The following CREM variants were observed in gnomAD, a reference collection of about 807,000 sequenced individuals.
CREM encodes the protein cAMP-responsive element modulator.
Under a neutral mutation model 37.3 loss-of-function variants are expected in CREM, and 13 were observed. That is an observed-to-expected ratio of 0.35 (90% CI 0.23 to 0.55). CREM has a LOEUF of 0.55. CREM is among the 20% of genes least tolerant of loss of function. CREM has a pLI of 0.88. For missense variants in CREM, 296 were observed against 362.3 expected (o/e 0.82, Z 1.49); for synonymous variants, 124 against 120.2 (o/e 1.03, Z -0.21).
intron 2 of CREM, among the ~76,000 whole-genome samples, chr10:35,147,608 A>G (rs2092271352): frequency 6.6e-6 from 1 of 152,208 alleles, no homozygotes; most frequent in African/African-American, 2.4e-5. Flanking sequence ...ATTATTATAC[A>G]TTTAATTTAG....
chr10:35,136,313 G>A (rs903506455), intron 1 of CREM, among the ~76,000 whole-genome samples: 12 of 152,100 alleles, frequency 7.9e-5, no homozygotes, highest in African/African-American at 2.7e-4. Context: ...ATCTGCCCCC[G>A]CCTTTAGATT....
chr10:35,196,815 C>A (rs2095192404), intron 6 of CREM, among the ~76,000 whole-genome samples: 1 of 150,952 alleles, frequency 6.6e-6, no homozygotes, highest in Non-Finnish European at 1.5e-5. Context: ...CTTGTCTAAG[C>A]ATAAGACTCA....
intron 6 of CREM, among the ~76,000 whole-genome samples, chr10:35,188,622 T>C (rs2094758068): frequency 6.6e-6 from 1 of 151,826 alleles, no homozygotes; most frequent in African/African-American, 2.4e-5. Context: ...AAATTCAGAG[T>C]AGCATGATAG....
At chr10:35,158,868 G>T (rs2093112886) in intron 3 of CREM, among the ~76,000 whole-genome samples, 5 of 109,080 alleles carry the variant, frequency 4.6e-5, no homozygotes, top group Admixed American at 1.0e-4. Context: ...AAGATTTCAT[G>T]TTTCTTAGAA....
At chr10:35,208,433 A>G (rs1227760117) in intron 7 of CREM, among the ~76,000 whole-genome samples, 4 of 152,226 alleles carry the variant, frequency 2.6e-5, no homozygotes, top group Admixed American at 2.6e-4. Flanking sequence ...TTATTGGTTT[A>G]GTTTTTATTA....
rs138569445 is a variant in CREM at position 35,193,634 on chromosome 10, G to T, written c.598+5246G>T. ...GCTGAATTGAAACCCTAACCCCATT[G>T]TCAGGTATCCTGGAGAATTACTAGA... is the stretch of plus-strand genomic sequence containing the variant. On this transcript the variant is annotated intron_variant, in intron 6 of 7. Coordinates refer to ENST00000685392, the MANE Select transcript of CREM (RefSeq NM_183011.2). Among the ~76,000 whole-genome samples the T allele has an allele frequency of 5.0e-3, 761 of 152,228 alleles. 49 individuals are homozygous for T. The South Asian group carries it at 0.13, about 27-fold the overall frequency.
At chr10:35,202,098 T>C (rs529995135) in intron 6 of CREM, among the ~76,000 whole-genome samples, 4 of 152,318 alleles carry the variant, frequency 2.6e-5, no homozygotes, top group South Asian at 2.1e-4. Flanking sequence ...TTATAATCTT[T>C]CTTCAATCAT....
At chr10:35,137,989 T>C (rs1420975584) in intron 2 of CREM, 110 bp downstream of exon 2, 1 of 676,662 alleles carries the variant, frequency 1.5e-6, no homozygotes, top group Non-Finnish European at 2.2e-6. Context: ...TGTATATATA[T>C]TCTATTATAA....
At chr10:35,158,821 G>T (rs12767299) in intron 3 of CREM, among the ~76,000 whole-genome samples, 4,982 of 61,966 alleles carry the variant, frequency 0.08, 336 homozygotes, top group African/African-American at 0.2. Context: ...TGTTTTGTTT[G>T]TTTTTTTTTT....
At chr10:35,142,445 G>A (rs2091557936) in intron 2 of CREM, among the ~76,000 whole-genome samples, 1 of 152,182 alleles carries the variant, frequency 6.6e-6, no homozygotes, top group Non-Finnish European at 1.5e-5. Context: ...ATTAGAGACA[G>A]GAGGCAAGGG....
At chr10:35,154,081 C>T in intron 3 of CREM, 1 of 398,440 alleles carries the variant, frequency 2.5e-6, no homozygotes, top group Non-Finnish European at 4.4e-6. Flanking sequence ...GTAAGGAGTC[C>T]CTCGGAATAA....
intron 6 of CREM, among the ~76,000 whole-genome samples, chr10:35,199,090 A>C (rs1005941565): frequency 3.9e-5 from 6 of 152,240 alleles, no homozygotes; most frequent in Admixed American, 2.6e-4. Flanking sequence ...TGGAGGTTGC[A>C]GTGAGCTGAG....
intron 5 of CREM, 56 bp from the exon 6 acceptor site, chr10:35,188,144 G>A: frequency 6.7e-7 from 1 of 1,494,278 alleles, no homozygotes; most frequent in Non-Finnish European, 9.1e-7. Context: ...TCCAATAGGG[G>A]ATTATTAAAA....
intron 3 of CREM, among the ~76,000 whole-genome samples, chr10:35,178,509 C>T (rs1044868642): frequency 6.6e-6 from 1 of 152,326 alleles, no homozygotes; most frequent in East Asian, 1.9e-4. Context: ...CTCTCTTCTG[C>T]GTTGGCCCCT....
intron 3 of CREM, among the ~76,000 whole-genome samples, chr10:35,160,247 G>T (rs142098709): frequency 1.7e-3 from 261 of 152,250 alleles, no homozygotes; most frequent in African/African-American, 5.7e-3. Flanking sequence ...CATAGGAAAG[G>T]TACAGTAAAA....
At chr10:35,140,134 G>T (rs959937951) in intron 2 of CREM, among the ~76,000 whole-genome samples, 1 of 152,066 alleles carries the variant, frequency 6.6e-6, no homozygotes, top group African/African-American at 2.4e-5. Flanking sequence ...TTTTGTAGAT[G>T]ATTTTTACCT....
At chr10:35,195,901 T>C in intron 6 of CREM, 1 of 649,516 alleles carries the variant, frequency 1.5e-6, no homozygotes, top group South Asian at 1.9e-5. Context: ...CTTTCCGCTT[T>C]GTAAAATGCT....
intron 6 of CREM, among the ~76,000 whole-genome samples, chr10:35,200,306 CTT>C (rs2134225507): frequency 6.6e-6 from 1 of 152,270 alleles, no homozygotes; most frequent in African/African-American, 2.4e-5. Flanking sequence ...TATAGACTGA[CTT>C]ATAGATTTTC....
At chr10:35,128,890 A>G (rs1384223697) in intron 1 of CREM, among the ~76,000 whole-genome samples, 1 of 152,210 alleles carries the variant, frequency 6.6e-6, no homozygotes, top group Non-Finnish European at 1.5e-5. Flanking sequence ...GTAGTCTTAA[A>G]GTCTTTCAAT....
Sources: allele counts gnomAD v4.1 joint callset (sites outside exome capture counted in the v4.1 genomes callset), GRCh38; gene constraint gnomAD v4.1.1; transcripts MANE v1.5; gene names NCBI Gene and HGNC (gene_info 2026-07-23, HGNC 2026-07-21).